HS3ST4: variants seen among roughly 807,000 people sequenced by gnomAD.
The protein encoded by HS3ST4 is heparan sulfate-glucosamine 3-sulfotransferase 4.
Under a neutral mutation model 29.2 loss-of-function variants are expected in HS3ST4, and 17 were observed. That is an observed-to-expected ratio of 0.58 (90% CI 0.40 to 0.87). The LOEUF is 0.87. HS3ST4 is among the 40% of genes least tolerant of loss of function. The probability of loss-of-function intolerance (pLI) is 0.00; values close to 1 mark genes in which losing one functional copy is unlikely to be tolerated. For missense variants in HS3ST4, 627 were observed against 634.5 expected, an observed-to-expected ratio of 0.99 and a Z score of 0.13; for synonymous variants, 314 against 285.7, an observed-to-expected ratio of 1.10 and a Z score of -1.00.
At chr16:25,906,296 T>C (rs1374445156) in intron 1 of HS3ST4, among the ~76,000 whole-genome samples, 1 of 152,206 alleles carries the variant, frequency 6.6e-6, no homozygotes, top group Non-Finnish European at 1.5e-5. Context: ...CTTCATAAGT[T>C]CTCCTGAAAA....
chr16:25,954,952 A>C (rs1181054292), intron 1 of HS3ST4, among the ~76,000 whole-genome samples: 1 of 152,226 alleles, frequency 6.6e-6, no homozygotes, highest in Non-Finnish European at 1.5e-5. Context: ...AATAATTTTT[A>C]TAAAAATCAA....
At chr16:25,954,039 A>G (rs1213288316) in intron 1 of HS3ST4, among the ~76,000 whole-genome samples, 1 of 152,130 alleles carries the variant, frequency 6.6e-6, no homozygotes, top group Non-Finnish European at 1.5e-5. Flanking sequence ...AGCTATCTGA[A>G]TGTTTAGAAA....
At chr16:25,818,384 A>G (rs1000222597) in intron 1 of HS3ST4, among the ~76,000 whole-genome samples, 1 of 152,190 alleles carries the variant, frequency 6.6e-6, no homozygotes, top group African/African-American at 2.4e-5. Context: ...GGCCCTTGCT[A>G]GACACTGAAT....
chr16:25,814,585 TC>T (rs1275532597), intron 1 of HS3ST4, among the ~76,000 whole-genome samples: 1 of 152,176 alleles, frequency 6.6e-6, no homozygotes, highest in East Asian at 1.9e-4. Context: ...GACCTTGTGA[TC>T]CGCCTGCCTT....
chr16:25,895,488 G>C (rs113057639), intron 1 of HS3ST4, among the ~76,000 whole-genome samples: 1 of 151,920 alleles, frequency 6.6e-6, no homozygotes, highest in Non-Finnish European at 1.5e-5. Context: ...TCAGGGGCTC[G>C]ATAAGCAGGC....
At chr16:25,803,060 T>G (rs899346299) in intron 1 of HS3ST4, among the ~76,000 whole-genome samples, 6 of 151,854 alleles carry the variant, frequency 4.0e-5, no homozygotes, top group Non-Finnish European at 8.8e-5. Flanking sequence ...TATAGTTTTA[T>G]GTATATGTAT....
intron 1 of HS3ST4, among the ~76,000 whole-genome samples, chr16:26,110,348 G>A (rs2141802725): frequency 6.6e-6 from 1 of 152,070 alleles, no homozygotes; most frequent in South Asian, 2.1e-4. Flanking sequence ...TTCATGTCTT[G>A]GCTCAGAATA....
Position 25,806,926 on chromosome 16 carries a change from G to A in HS3ST4, c.734+113775G>A, listed in dbSNP as rs560912446. Among the ~76,000 whole-genome samples, 14 of 152,144 alleles carry A rather than the reference G, an allele frequency of 9.2e-5. No individual in the cohort carries two copies. In the South Asian group the frequency reaches 2.5e-3, roughly 27 times the overall value. Reference sequence around the variant, plus strand: ...CATAGGTTCATGAATCCATCACCACGGTCAAGACACAAAACTTTCCATTAC... The same window carrying A: ...CATAGGTTCATGAATCCATCACCACAGTCAAGACACAAAACTTTCCATTAC... On this transcript the variant is annotated intron_variant, in intron 1 of 1. Transcript: ENST00000331351.
At chr16:26,007,658 C>T (rs1242275273) in intron 1 of HS3ST4, among the ~76,000 whole-genome samples, 1 of 152,192 alleles carries the variant, frequency 6.6e-6, no homozygotes, top group African/African-American at 2.4e-5. Context: ...CCATTTCCTC[C>T]CTTCCTGATT....
chr16:25,811,748 T>C (rs972576373), intron 1 of HS3ST4, among the ~76,000 whole-genome samples: 12 of 152,202 alleles, frequency 7.9e-5, no homozygotes, highest in African/African-American at 2.9e-4. Flanking sequence ...CATTTTCTTT[T>C]GTCTAGCTTA....
chr16:25,786,564 A>G (rs1241695053), intron 1 of HS3ST4, among the ~76,000 whole-genome samples: 1 of 152,152 alleles, frequency 6.6e-6, no homozygotes, highest in Non-Finnish European at 1.5e-5. Flanking sequence ...ATAACTCTTT[A>G]CCCTTTCACT....
chr16:26,029,345 G>A (rs572207208), intron 1 of HS3ST4, among the ~76,000 whole-genome samples: 97 of 152,112 alleles, frequency 6.4e-4, no homozygotes, highest in African/African-American at 2.2e-3. Flanking sequence ...TTAATGGTCC[G>A]CTATTGCCAT....
At chr16:25,745,683 T>C (rs7190786) in intron 1 of HS3ST4, among the ~76,000 whole-genome samples, 140,240 of 152,220 alleles carry the variant, frequency 0.92, 64,628 homozygotes, top group East Asian at 1. Context: ...AAGTCCTCTC[T>C]CCTACTCTGG....
intron 1 of HS3ST4, among the ~76,000 whole-genome samples, chr16:25,853,196 G>T (rs4523929): frequency 0.26 from 39,428 of 151,870 alleles, 6,342 homozygotes; most frequent in Admixed American, 0.34. Flanking sequence ...AGTTGTTCAT[G>T]TAAAGAAATG....
chr16:26,029,668 C>T (rs1371367189), intron 1 of HS3ST4, among the ~76,000 whole-genome samples: 1 of 152,180 alleles, frequency 6.6e-6, no homozygotes, highest in African/African-American at 2.4e-5. Flanking sequence ...GCCTCGGCCT[C>T]CCAAAGTGCT....
At chr16:26,094,517 C>T (rs1245958276) in intron 1 of HS3ST4, among the ~76,000 whole-genome samples, 3 of 152,130 alleles carry the variant, frequency 2.0e-5, no homozygotes, top group Non-Finnish European at 4.4e-5. Context: ...CCAAACTAAG[C>T]TTCATAAGTG....
chr16:26,132,940 T>C (rs1163741018), intron 1 of HS3ST4, among the ~76,000 whole-genome samples: 1 of 152,196 alleles, frequency 6.6e-6, no homozygotes, highest in Non-Finnish European at 1.5e-5. Context: ...ATCTCTCCAC[T>C]TGAAATAAAA....
At chr16:26,119,345 A>G (rs577598005) in intron 1 of HS3ST4, among the ~76,000 whole-genome samples, 3 of 152,250 alleles carry the variant, frequency 2.0e-5, no homozygotes, top group Non-Finnish European at 4.4e-5. Flanking sequence ...GCAAAGTGGC[A>G]GAGGAATGAT....
chr16:25,917,290 G>T (rs575011953), intron 1 of HS3ST4, among the ~76,000 whole-genome samples: 1 of 152,138 alleles, frequency 6.6e-6, no homozygotes, highest in South Asian at 2.1e-4. Context: ...TCAGCTCACT[G>T]CAACCTCCAC....
Sources: gnomAD v4.1 joint callset for allele counts (sites outside exome capture counted in the v4.1 genomes callset) on GRCh38, gnomAD v4.1.1 for gene constraint, MANE v1.5 for transcripts, NCBI Gene and HGNC (gene_info 2026-07-23, HGNC 2026-07-21) for gene names.